The following DDC variants were observed in gnomAD, a reference collection of about 807,000 sequenced individuals.
DDC encodes the protein dopa decarboxylase.
In DDC, 43 loss-of-function variants were observed where a neutral mutation model predicts 60.0. The ratio of observed to expected loss-of-function variants is 0.72; its 90% CI spans 0.56 to 0.92. The LOEUF (loss-of-function observed/expected upper bound fraction) is 0.92. Among genes scored for constraint, DDC ranks in the 40% least tolerant of loss-of-function variants. The pLI, the probability that DDC is intolerant of heterozygous loss-of-function variation, is 0.00. For missense variants in DDC, 573 were observed against 620.2 expected (o/e 0.92, Z 0.81); for synonymous variants, 232 against 234.6 (o/e 0.99, Z 0.10).
intron 10 of DDC, among the ~76,000 whole-genome samples, chr7:50,478,307 A>T (rs2042693776): frequency 6.6e-6 from 1 of 152,226 alleles, no homozygotes; most frequent in Non-Finnish European, 1.5e-5. Flanking sequence ...ACCATCTGAT[A>T]CGGTAGCTAG....
intron 4 of DDC, among the ~76,000 whole-genome samples, chr7:50,531,131 G>T (rs1353678559): frequency 6.6e-6 from 1 of 152,174 alleles, no homozygotes; most frequent in Admixed American, 6.5e-5. Flanking sequence ...CATGAGCAAT[G>T]ATTTTAGACA....
intron 1 of DDC, among the ~76,000 whole-genome samples, chr7:50,561,284 A>G (rs11575269): frequency 6.6e-6 from 1 of 152,048 alleles, no homozygotes; most frequent in African/African-American, 2.4e-5. Flanking sequence ...GAGGCCAAGG[A>G]AAAAATGGGC....
At chr7:50,460,569 A>G (rs1005837859) in intron 14 of DDC, among the ~76,000 whole-genome samples, 1 of 151,428 alleles carries the variant, frequency 6.6e-6, no homozygotes, top group Non-Finnish European at 1.5e-5. Flanking sequence ...CTCATTGAGA[A>G]CGGGCCATGA....
intron 8 of DDC, among the ~76,000 whole-genome samples, chr7:50,498,297 T>A (rs569142515): frequency 6.6e-6 from 1 of 152,344 alleles, no homozygotes; most frequent in South Asian, 2.1e-4. Flanking sequence ...CCATCACACA[T>A]GGGTGAGGTC....
chr7:50,544,048 ATCTCCTTCCC>A lies in DDC; in HGVS notation c.28_37del (p.Gly10TrpfsTer29), dbSNP rs2044724415. ...CATGTAGTTGGCCATGTAATCCACCATCTCCTTCCCTCTCCTTCGGAATTCACTTGCGTTC... is the reference window on the plus strand; with the variant it reads ...CATGTAGTTGGCCATGTAATCCACCATCTCCTTCGGAATTCACTTGCGTTC... On this transcript the variant is annotated frameshift_variant, in exon 2 of 15. Transcript: ENST00000444124. LOFTEE classifies it high-confidence loss of function. 6.2e-7 allele frequency: 1 copy of A among 1,614,078 alleles called. No individual in the cohort carries two copies. The highest frequency in any genetic ancestry group is 1.1e-5 in the South Asian group (1 of 91,060).
At chr7:50,507,978 TG>T (rs1205263453) in intron 6 of DDC, among the ~76,000 whole-genome samples, 1 of 152,218 alleles carries the variant, frequency 6.6e-6, no homozygotes, top group Non-Finnish European at 1.5e-5. Flanking sequence ...GCAGACCAAA[TG>T]TGACCCCAGG....
At chr7:50,528,104 T>C (rs368679014) in intron 6 of DDC, 33 bp downstream of exon 6, 18 of 1,610,886 alleles carry the variant, frequency 1.1e-5, no homozygotes, top group South Asian at 7.7e-5. Flanking sequence ...TTTCACCTTA[T>C]TGGCCAGGAG....
intron 7 of DDC, 126 bp downstream of exon 7, chr7:50,503,867 G>C: frequency 1.3e-6 from 1 of 784,346 alleles, no homozygotes; most frequent in Non-Finnish European, 2.3e-6. Flanking sequence ...TTGCAAATAC[G>C]AGAAGAGCTG....
chr7:50,528,642 C>T (rs865853219), intron 5 of DDC, among the ~76,000 whole-genome samples: 39 of 152,126 alleles, frequency 2.6e-4, no homozygotes, highest in African/African-American at 9.2e-4. Flanking sequence ...CAAATCTGTG[C>T]CCTGCCCCTG....
chr7:50,510,455 G>A (rs574660326), intron 6 of DDC, among the ~76,000 whole-genome samples: 1 of 151,706 alleles, frequency 6.6e-6, no homozygotes, highest in East Asian at 2.0e-4. Context: ...GATCACTTGA[G>A]GTCAGGAGTT....
intron 9 of DDC, among the ~76,000 whole-genome samples, chr7:50,494,376 C>T (rs11575430): frequency 0.015 from 2,336 of 152,010 alleles, 66 homozygotes; most frequent in African/African-American, 0.054. Flanking sequence ...GCGTGGTAGG[C>T]GCCTGTTGTC....
intron 6 of DDC, among the ~76,000 whole-genome samples, chr7:50,513,299 G>A (rs888251893): frequency 6.6e-6 from 1 of 152,186 alleles, no homozygotes; most frequent in Non-Finnish European, 1.5e-5. Flanking sequence ...AAAATACAGG[G>A]GTAGAGGAAG....
intron 11 of DDC, 25 bp from the exon 12 acceptor site, chr7:50,470,196 A>G (rs751016798): frequency 6.0e-6 from 9 of 1,493,578 alleles, no homozygotes; most frequent in Non-Finnish European, 7.5e-6. Flanking sequence ...GAAACAGACC[A>G]TCAGTGAGGA....
At chr7:50,508,180 G>T (rs1055340853) in intron 6 of DDC, among the ~76,000 whole-genome samples, 2 of 152,220 alleles carry the variant, frequency 1.3e-5, no homozygotes, top group Non-Finnish European at 2.9e-5. Context: ...GCTTGTCTAC[G>T]TGGGGCTGAG....
At chr7:50,482,170 G>T (rs1276323273) in intron 9 of DDC, among the ~76,000 whole-genome samples, 1 of 152,184 alleles carries the variant, frequency 6.6e-6, no homozygotes, top group Admixed American at 6.5e-5. Flanking sequence ...CTCCAAATCA[G>T]TCTCCACAAC....
At chr7:50,514,795 T>C (rs1180067098) in intron 6 of DDC, among the ~76,000 whole-genome samples, 1 of 151,554 alleles carries the variant, frequency 6.6e-6, no homozygotes, top group East Asian at 1.9e-4. Context: ...GTCTCAGCAA[T>C]AGAATTGAAC....
intron 12 of DDC, among the ~76,000 whole-genome samples, chr7:50,468,835 C>G (rs2042460098): frequency 6.6e-6 from 1 of 151,878 alleles, no homozygotes; most frequent in African/African-American, 2.4e-5. Flanking sequence ...ACACCAGGAT[C>G]AGAGAGAGCC....
At chr7:50,476,206 A>T (rs1445297613) in intron 11 of DDC, among the ~76,000 whole-genome samples, 1 of 152,250 alleles carries the variant, frequency 6.6e-6, no homozygotes, top group Non-Finnish European at 1.5e-5. Context: ...GAGAGGACCA[A>T]TGCATTTGAG....
intron 6 of DDC, among the ~76,000 whole-genome samples, chr7:50,520,900 AAAATAAAT>A (rs58873202): frequency 1.2e-3 from 180 of 147,914 alleles, no homozygotes; most frequent in African/African-American, 2.5e-3. Flanking sequence ...TCTGTCTCAG[AAAATAAAT>A]AAATAAATAA....
Sources: allele counts gnomAD v4.1 joint callset (sites outside exome capture counted in the v4.1 genomes callset), GRCh38; gene constraint gnomAD v4.1.1; transcripts MANE v1.5; gene names NCBI Gene and HGNC (gene_info 2026-07-23, HGNC 2026-07-21).